SLC2A7: variants seen among roughly 807,000 people sequenced by gnomAD.
The protein encoded by SLC2A7 is solute carrier family 2, facilitated glucose transporter member 7.
SLC2A7 carries 50 observed loss-of-function variants against 50.5 expected under a neutral mutation model. The observed-to-expected ratio is 0.99, with a 90% CI of 0.79 to 1.25. The LOEUF is 1.25. SLC2A7 is among the 50% of genes most tolerant of loss of function. The probability of loss-of-function intolerance (pLI) is 0.00; values close to 1 mark genes in which losing one functional copy is unlikely to be tolerated. For synonymous variants in SLC2A7, 308 were observed against 300.4 expected, an observed-to-expected ratio of 1.03 and a Z score of -0.26; for missense variants, 683 against 679.1, an observed-to-expected ratio of 1.01 and a Z score of -0.06.
intron 11 of SLC2A7, among the ~76,000 whole-genome samples, chr1:9,003,868 AC>A (rs1453479023): frequency 3.9e-5 from 6 of 152,048 alleles, no homozygotes; most frequent in Non-Finnish European, 8.8e-5. Context: ...AAAAACAAAA[AC>A]AAAAACAAAA....
intron 9 of SLC2A7, 56 bp from the exon 10 acceptor site, chr1:9,007,441 G>T: frequency 1.3e-6 from 2 of 1,567,296 alleles, no homozygotes; most frequent in Non-Finnish European, 1.7e-6. Context: ...CGTGCGGGGG[G>T]GTCCACCTGC....
intron 3 of SLC2A7, among the ~76,000 whole-genome samples, chr1:9,021,714 A>C (rs1477563890): frequency 6.6e-6 from 1 of 152,160 alleles, no homozygotes; most frequent in East Asian, 1.9e-4. Flanking sequence ...CAGGAGGCCC[A>C]AAAAGACTAA....
intron 4 of SLC2A7, 139 bp downstream of exon 4, chr1:9,019,070 G>C: frequency 2.7e-6 from 3 of 1,116,390 alleles, no homozygotes; most frequent in Non-Finnish European, 3.7e-6. Context: ...AGGCTTGCAA[G>C]GGCCTGGGGA....
intron 10 of SLC2A7, 91 bp downstream of exon 10, chr1:9,007,219 C>T (rs992671076): frequency 2.1e-6 from 3 of 1,436,618 alleles, no homozygotes; most frequent in Non-Finnish European, 2.9e-6. Context: ...GACGTCCATT[C>T]ACTCAGCAAA....
intron 8 of SLC2A7, among the ~76,000 whole-genome samples, 178 bp from the exon 9 acceptor site, chr1:9,010,422 G>T (rs947594409): frequency 2.0e-5 from 3 of 151,930 alleles, no homozygotes; most frequent in African/African-American, 7.3e-5. Flanking sequence ...GCAGTGGTGC[G>T]ATCTCAGCTC....
intron 5 of SLC2A7, 59 bp from the exon 6 acceptor site, chr1:9,015,301 A>G: frequency 1.3e-6 from 2 of 1,500,828 alleles, no homozygotes; most frequent in Non-Finnish European, 1.8e-6. Flanking sequence ...CCCACCTACC[A>G]CTGTGCTCGG....
the SLC2A7 span, among the ~76,000 whole-genome samples, chr1:8,992,895 C>A: frequency 2.6e-5 from 4 of 152,144 alleles, no homozygotes; most frequent in African/African-American, 9.7e-5. Context: ...CATAGAGATG[C>A]CCTCCCTGAA....
rs150218356 is a variant in SLC2A7, at chr1:9,003,431, T to C, written c.1408A>G (p.Lys470Glu). 6.2e-7 allele frequency: 1 copy of C among 1,614,224 alleles called. No individual in the cohort carries two copies. The highest frequency in any genetic ancestry group is 8.5e-7 in the Non-Finnish European group (1 of 1,180,042). The stretch of plus-strand genomic sequence containing the variant: ...TTTATCTCCACAAATGTTTTGCCCT[T>C]GGTCTCCGGAATAACCACGTAGATG... ...IYIYVVIPET[K>E]GKTFVEINRI... The change falls in exon 12 of 12, where the codon AAG (lysine) becomes GAG (glutamate). Residue 470 changes from lysine to glutamate, a missense_variant. Coordinates refer to ENST00000400906, the MANE Select transcript of SLC2A7 (RefSeq NM_207420.3).
At position 9,015,243 on chromosome 1, in the gene SLC2A7, C is replaced by T. The variant is rs1272477426; in HGVS notation, c.590-1G>A. ...GTGAGCGCCAGAAGCACCGGCCAGC[C>T]TGCAAGGAGCCAAGGACTCAGGATC... On this transcript the variant is annotated splice_acceptor_variant, in intron 5 of 11. Transcript: ENST00000400906. LOFTEE classifies it high-confidence loss of function. 1 of 1,589,026 alleles carries T rather than the reference C, an allele frequency of 6.3e-7. No individual in the cohort carries two copies. The highest frequency in any genetic ancestry group is 8.5e-7 in the Non-Finnish European group (1 of 1,170,784).
At chr1:9,011,286 T>C (rs570397259) in intron 8 of SLC2A7, among the ~76,000 whole-genome samples, 1 of 152,296 alleles carries the variant, frequency 6.6e-6, no homozygotes, top group East Asian at 1.9e-4. Flanking sequence ...AGGAACAAAC[T>C]GTCTTTCCAG....
At chr1:8,993,148 C>T in the SLC2A7 span, among the ~76,000 whole-genome samples, 9 of 152,342 alleles carry the variant, frequency 5.9e-5, no homozygotes, top group East Asian at 1.9e-4. Context: ...ACGTCTTACA[C>T]GGATGTCAGC....
intron 7 of SLC2A7, among the ~76,000 whole-genome samples, chr1:9,013,980 T>C (rs973487572): frequency 6.6e-6 from 1 of 152,204 alleles, no homozygotes; most frequent in African/African-American, 2.4e-5. Context: ...TACCTCTCAC[T>C]CTGGGCCAAG....
intron 2 of SLC2A7, among the ~76,000 whole-genome samples, chr1:9,023,871 T>A (rs1640955819): frequency 8.7e-6 from 1 of 115,110 alleles, no homozygotes; most frequent in Non-Finnish European, 1.7e-5. Context: ...TTTTTTTTTT[T>A]TTGAGATGAA....
intron 2 of SLC2A7, among the ~76,000 whole-genome samples, chr1:9,023,987 C>G (rs1468413115): frequency 6.6e-6 from 1 of 151,374 alleles, no homozygotes; most frequent in Non-Finnish European, 1.5e-5. Flanking sequence ...TCCCGAGTAG[C>G]TGGAATTACA....
At chr1:9,004,673 G>A (rs1640626003) in intron 11 of SLC2A7, 79 bp downstream of exon 11, 1 of 1,548,648 alleles carries the variant, frequency 6.5e-7, no homozygotes. Flanking sequence ...TGGATTCACA[G>A]ATGTGCTTAG....
At chr1:9,020,614 G>T (rs1313992294) in intron 3 of SLC2A7, among the ~76,000 whole-genome samples, 1 of 142,382 alleles carries the variant, frequency 7.0e-6, no homozygotes, top group East Asian at 2.3e-4. Flanking sequence ...CAGTGGACCA[G>T]AAAGAGGGCA....
chr1:9,015,608 T>G (rs1236476182), intron 5 of SLC2A7, among the ~76,000 whole-genome samples: 1 of 152,186 alleles, frequency 6.6e-6, no homozygotes. Context: ...GCGCTGGGTC[T>G]GAGTGAGCTC....
the SLC2A7 span, among the ~76,000 whole-genome samples, chr1:8,993,965 T>C: frequency 6.6e-6 from 1 of 152,218 alleles, no homozygotes; most frequent in Non-Finnish European, 1.5e-5. Context: ...GTACAACTTA[T>C]GGCAAATTAA....
chr1:9,002,191 T>C (rs1271779973), downstream of SLC2A7, among the ~76,000 whole-genome samples: 1 of 152,130 alleles, frequency 6.6e-6, no homozygotes, highest in Admixed American at 6.6e-5. Context: ...GCCTGAGATA[T>C]GGCCTCGTGG....
Sources: allele counts gnomAD v4.1 joint callset (sites outside exome capture counted in the v4.1 genomes callset), GRCh38; gene constraint gnomAD v4.1.1; transcripts MANE v1.5; gene names NCBI Gene and HGNC (gene_info 2026-07-23, HGNC 2026-07-21).